The following TRIM44 variants were observed in gnomAD, a reference collection of about 807,000 sequenced individuals.
TRIM44 encodes the protein tripartite motif containing 44.
A neutral mutation model predicts 37.4 loss-of-function variants in TRIM44; 13 were observed. The ratio of observed to expected loss-of-function variants is 0.35; its 90% CI spans 0.23 to 0.55. The LOEUF is 0.55. Ranked by LOEUF, TRIM44 falls within the 20% of genes least tolerant of loss-of-function variation. The pLI is 0.89. For missense variants in TRIM44, 426 were observed against 437.2 expected, an observed-to-expected ratio of 0.97 and a Z score of 0.23; for synonymous variants, 175 against 157.2, an observed-to-expected ratio of 1.11 and a Z score of -0.85.
At chr11:35,703,596 C>T (rs899772141) in intron 2 of TRIM44, among the ~76,000 whole-genome samples, 37 of 152,298 alleles carry the variant, frequency 2.4e-4, no homozygotes, top group African/African-American at 8.4e-4. Context: ...GCAGCATTCG[C>T]GGTTCACAAA....
At chr11:35,773,159 G>A (rs576854385) in intron 4 of TRIM44, among the ~76,000 whole-genome samples, 22 of 152,136 alleles carry the variant, frequency 1.4e-4, no homozygotes, top group Admixed American at 8.5e-4. Flanking sequence ...ATTGCCTCCC[G>A]CCATGATTCT....
intron 1 of TRIM44, among the ~76,000 whole-genome samples, chr11:35,667,379 T>A (rs1271501397): frequency 6.6e-6 from 1 of 152,196 alleles, no homozygotes; most frequent in Non-Finnish European, 1.5e-5. Flanking sequence ...AACTACTTGT[T>A]TTTTCTTAGA....
intron 1 of TRIM44, among the ~76,000 whole-genome samples, chr11:35,668,396 A>G (rs1419213747): frequency 6.6e-6 from 1 of 152,086 alleles, no homozygotes; most frequent in Non-Finnish European, 1.5e-5. Context: ...GCTCCAGTGT[A>G]TGTTGTTCCC....
intron 2 of TRIM44, among the ~76,000 whole-genome samples, chr11:35,701,447 A>G (rs1851787829): frequency 6.6e-6 from 1 of 152,218 alleles, no homozygotes; most frequent in Non-Finnish European, 1.5e-5. Context: ...TGTGCTCAGA[A>G]AAAGGAAAAT....
At chr11:35,770,978 A>T (rs1456005503) in intron 4 of TRIM44, among the ~76,000 whole-genome samples, 1 of 152,114 alleles carries the variant, frequency 6.6e-6, no homozygotes, top group Admixed American at 6.5e-5. Context: ...AGTCTCAGTT[A>T]TGTCTTTATC....
chr11:35,685,340 A>G lies in TRIM44; in HGVS notation c.747+4A>G. 1 of 1,613,868 alleles carries G rather than the reference A, an allele frequency of 6.2e-7. No homozygotes were observed. Among genetic ancestry groups the G allele is most frequent in the South Asian group, 1.1e-5 (1 of 91,054 alleles). On this transcript the variant is annotated splice_donor_region_variant and intron_variant, in intron 2 of 4. Coordinates refer to ENST00000299413, the MANE Select transcript of TRIM44 (RefSeq NM_017583.6). Reference sequence around the variant, plus strand: ...GTTCAAGAGCTCAGACCCTAAAGTAAGTATTGTTTGGAATTGATTGGGTGT... The same window carrying G: ...GTTCAAGAGCTCAGACCCTAAAGTAGGTATTGTTTGGAATTGATTGGGTGT...
At position 35,817,427 on chromosome 11, in the gene TRIM44, C is replaced by G. The variant is rs1056275228; in HGVS notation, c.*11042C>G. 2 of 152,178 alleles carry G rather than the reference C, an allele frequency of 1.3e-5. No individual in the cohort carries two copies. Among genetic ancestry groups the G allele is most frequent in the African/African-American group, 2.4e-5 (1 of 41,432 alleles). The allele number at this position is 152,178 out of a possible 1,614,324, so 9.4% of individuals were successfully genotyped here. A position where few individuals can be genotyped will look rare whatever the true frequency, so the allele number is the denominator to read the frequency against. On this transcript the variant is annotated 3_prime_UTR_variant, in exon 5 of 5. Coordinates refer to ENST00000299413, the MANE Select transcript of TRIM44 (RefSeq NM_017583.6). ...AGAGACATTGGAGGATCTCTCTTTT[C>G]TCTTCCACCTCTAACACGGTAAGAT...
chr11:35,732,466 T>C (rs996438297), intron 3 of TRIM44, among the ~76,000 whole-genome samples: 2 of 152,352 alleles, frequency 1.3e-5, no homozygotes, highest in Admixed American at 1.3e-4. Flanking sequence ...ATCTTAAAGC[T>C]TACCTATATC....
Position 35,725,915 on chromosome 11 carries a change from G to A in TRIM44, c.748-9G>A. On this transcript the variant is annotated splice_polypyrimidine_tract_variant and intron_variant, in intron 2 of 4. Transcript: ENST00000299413. ...CAACTTATTCTTCTTATTTGTCTCT[G>A]TTCTAAAGGTAACTCGGGACCAAAT... 1 of 1,613,394 alleles carries A rather than the reference G, an allele frequency of 6.2e-7. No homozygotes were observed. Among genetic ancestry groups the A allele is most frequent in the Non-Finnish European group, 8.5e-7 (1 of 1,179,596 alleles).
intron 4 of TRIM44, among the ~76,000 whole-genome samples, chr11:35,777,154 A>G (rs1051741022): frequency 2.0e-5 from 3 of 152,138 alleles, no homozygotes; most frequent in African/African-American, 4.8e-5. Context: ...TTGGGTGCAT[A>G]TATATTTGGG....
chr11:35,725,559 C>T (rs1190232746), intron 2 of TRIM44, among the ~76,000 whole-genome samples: 1 of 152,126 alleles, frequency 6.6e-6, no homozygotes, highest in Non-Finnish European at 1.5e-5. Flanking sequence ...TGGTTTCGAA[C>T]TCCTGACCTC....
At chr11:35,777,376 T>G (rs1852984947) in intron 4 of TRIM44, among the ~76,000 whole-genome samples, 1 of 152,202 alleles carries the variant, frequency 6.6e-6, no homozygotes. Context: ...GTCTCCTGAA[T>G]ACAGCACACT....
chr11:35,663,407 G>C lies in TRIM44; in HGVS notation c.296G>C (p.Ser99Thr). 1 of 1,589,900 alleles carries C rather than the reference G, an allele frequency of 6.3e-7. No homozygotes were observed. ...ATAGAAAGCGAGGCAGGGGAAGAGAGTGAGTCGGAGGAAGAGAGCGAGTCA... is the reference window on the plus strand; with the variant it reads ...ATAGAAAGCGAGGCAGGGGAAGAGACTGAGTCGGAGGAAGAGAGCGAGTCA... ...REIESEAGEE[S>T]ESEEESESEE... is the part of the protein sequence containing the mutation. The change falls in exon 1 of 5, where the codon AGT (serine) becomes ACT (threonine). Residue 99 changes from serine (S) to threonine (T), a missense_variant. This residue lies in a region of TRIM44 where 331 missense variants were observed against 303.0 expected (regional missense o/e 1.09). Transcript: ENST00000299413.
chr11:35,773,488 A>G (rs972838200), intron 4 of TRIM44, among the ~76,000 whole-genome samples: 15 of 151,952 alleles, frequency 9.9e-5, no homozygotes, highest in African/African-American at 3.6e-4. Flanking sequence ...TTTAATTATT[A>G]TACTTTAAGT....
intron 2 of TRIM44, among the ~76,000 whole-genome samples, chr11:35,700,802 A>T (rs766274004): frequency 6.6e-6 from 1 of 152,214 alleles, no homozygotes; most frequent in Non-Finnish European, 1.5e-5. Flanking sequence ...AAAGTAGGTA[A>T]ATTGAAGAAT....
intron 2 of TRIM44, among the ~76,000 whole-genome samples, chr11:35,701,019 T>A (rs1044338242): frequency 5.8e-4 from 88 of 151,860 alleles, no homozygotes; most frequent in African/African-American, 2.1e-3. Context: ...CAGTTTTGAA[T>A]TTTTTTTTAA....
In TRIM44 at chr11:35,672,483, A is replaced by G. The variant is rs139810745; in HGVS notation, c.669+8703A>G. ...AAGTGGTTGGCAGAATTCAGTAAAT[A>G]TATAGCATTTGTGGAGTTCTTAACA... On this transcript the variant is annotated intron_variant, in intron 1 of 4. Coordinates refer to ENST00000299413, the MANE Select transcript of TRIM44 (RefSeq NM_017583.6). Among the ~76,000 whole-genome samples, 397 of 152,338 alleles carry G rather than the reference A, an allele frequency of 2.6e-3. 3 individuals carry two copies. The highest frequency in any genetic ancestry group is 9.0e-3 in the African/African-American group (374 of 41,586).
At chr11:35,697,094 A>G (rs1851712084) in intron 2 of TRIM44, among the ~76,000 whole-genome samples, 1 of 151,974 alleles carries the variant, frequency 6.6e-6, no homozygotes, top group African/African-American at 2.4e-5. Flanking sequence ...TTTAAATTTT[A>G]GGGTACATGT....
At chr11:35,749,031 T>TA in intron 4 of TRIM44, among the ~76,000 whole-genome samples, 1 of 152,184 alleles carries the variant, frequency 6.6e-6, no homozygotes, top group East Asian at 1.9e-4. Flanking sequence ...TTGGTGTGTG[T>TA]ATGTGTATGT....
Sources: allele counts gnomAD v4.1 joint callset (sites outside exome capture counted in the v4.1 genomes callset), GRCh38; gene constraint gnomAD v4.1.1; regional missense constraint gnomAD v4.1.1; transcripts MANE v1.5; gene names NCBI Gene and HGNC (gene_info 2026-07-23, HGNC 2026-07-21).